The following CCDC192 variants were observed in gnomAD, a reference collection of about 807,000 sequenced individuals.
CCDC192 encodes coiled-coil domain-containing protein 192.
At chr5:127,780,436 C>A (rs538839189) in intron 3 of CCDC192, among the ~76,000 whole-genome samples, 1 of 152,262 alleles carries the variant, frequency 6.6e-6, no homozygotes, top group African/African-American at 2.4e-5. Context: ...TACATTCTCA[C>A]CAGCAGTGTA....
At chr5:127,848,091 T>A (rs902094315) in intron 5 of CCDC192, among the ~76,000 whole-genome samples, 5 of 152,004 alleles carry the variant, frequency 3.3e-5, no homozygotes, top group Admixed American at 1.3e-4. Context: ...TTTTTTTTAA[T>A]CTCTATGTTT....
At chr5:127,821,162 A>G (rs1170749672) in intron 5 of CCDC192, among the ~76,000 whole-genome samples, 1 of 152,182 alleles carries the variant, frequency 6.6e-6, no homozygotes, top group Admixed American at 6.5e-5. Context: ...TGGATGATTT[A>G]TAGTGTTTGC....
chr5:127,720,175 G>A (rs75361482), intron 2 of CCDC192, among the ~76,000 whole-genome samples: 2 of 152,194 alleles, frequency 1.3e-5, no homozygotes, highest in Non-Finnish European at 1.5e-5. Context: ...CTGCCTATGA[G>A]TATGTAAAAT....
At chr5:127,840,520 C>G (rs1750234277) in intron 5 of CCDC192, among the ~76,000 whole-genome samples, 2 of 151,720 alleles carry the variant, frequency 1.3e-5, no homozygotes, top group South Asian at 4.2e-4. Flanking sequence ...ATGTATGTGC[C>G]TATAATGGTA....
intron 6 of CCDC192, among the ~76,000 whole-genome samples, chr5:127,888,423 C>CA (rs1250155646): frequency 3.0e-4 from 43 of 142,576 alleles, no homozygotes; most frequent in African/African-American, 8.3e-4. Context: ...CTCAAACAAA[C>CA]AAAAAAAAAA....
At chr5:127,890,829 C>T (rs559198318) in intron 6 of CCDC192, among the ~76,000 whole-genome samples, 7 of 152,258 alleles carry the variant, frequency 4.6e-5, no homozygotes, top group African/African-American at 9.6e-5. Flanking sequence ...ATCATTTGCC[C>T]GACAAAACAT....
At chr5:127,760,701 CAAAAAAAAAAAAAA>C in intron 3 of CCDC192, among the ~76,000 whole-genome samples, 1 of 54,908 alleles carries the variant, frequency 1.8e-5, no homozygotes, top group East Asian at 4.2e-4. Context: ...GATTCTGTCT[CAAAAAAAAAAAAAA>C]AAAAAAAAAG....
At chr5:127,923,662 C>T (rs1205636731) in intron 6 of CCDC192, among the ~76,000 whole-genome samples, 2 of 152,130 alleles carry the variant, frequency 1.3e-5, no homozygotes. Flanking sequence ...CAGGCGTGAG[C>T]CTCCGCGCCC....
At chr5:127,771,869 A>C (rs1448869903) in intron 3 of CCDC192, among the ~76,000 whole-genome samples, 1 of 149,782 alleles carries the variant, frequency 6.7e-6, no homozygotes, top group East Asian at 1.9e-4. Flanking sequence ...ATTGAAAAGG[A>C]AAAAAAGGGG....
chr5:127,847,032 A>G (rs1332659891), intron 5 of CCDC192, among the ~76,000 whole-genome samples: 4 of 152,124 alleles, frequency 2.6e-5, no homozygotes, highest in Non-Finnish European at 5.9e-5. Context: ...TCATCAAACC[A>G]GTGTTATTTC....
At chr5:127,921,974 T>G (rs1459539248) in intron 6 of CCDC192, among the ~76,000 whole-genome samples, 1 of 152,264 alleles carries the variant, frequency 6.6e-6, no homozygotes, top group Non-Finnish European at 1.5e-5. Flanking sequence ...TATTTCTTCC[T>G]ATTTTGTTTG....
intron 3 of CCDC192, among the ~76,000 whole-genome samples, chr5:127,767,824 T>C (rs1157660624): frequency 6.6e-6 from 1 of 152,200 alleles, no homozygotes; most frequent in Non-Finnish European, 1.5e-5. Context: ...TTAAGGATAA[T>C]TTTCCCCAAA....
chr5:127,825,160 G>A, intron 5 of CCDC192, among the ~76,000 whole-genome samples: 1 of 152,194 alleles, frequency 6.6e-6, no homozygotes, highest in East Asian at 1.9e-4. Flanking sequence ...AAAGGTTTGA[G>A]AATAGCATTT....
At chr5:127,886,267 T>C (rs778610030) in intron 6 of CCDC192, among the ~76,000 whole-genome samples, 5 of 152,184 alleles carry the variant, frequency 3.3e-5, no homozygotes, top group Non-Finnish European at 5.9e-5. Context: ...GCTACTTTTT[T>C]CCCTGGCTTT....
intron 6 of CCDC192, among the ~76,000 whole-genome samples, chr5:127,898,702 G>A (rs549008967): frequency 1.2e-3 from 176 of 152,178 alleles, no homozygotes; most frequent in Non-Finnish European, 2.1e-3. Context: ...CAGGGAGCCC[G>A]TTCCCATCCC....
intron 5 of CCDC192, among the ~76,000 whole-genome samples, chr5:127,835,277 C>T (rs1325269795): frequency 6.6e-6 from 1 of 152,130 alleles, no homozygotes; most frequent in African/African-American, 2.4e-5. Context: ...CATCAGGAAA[C>T]ACTCCATATG....
intron 5 of CCDC192, among the ~76,000 whole-genome samples, chr5:127,862,241 CCTT>C (rs1213041863): frequency 6.6e-6 from 1 of 152,194 alleles, no homozygotes; most frequent in Non-Finnish European, 1.5e-5. Context: ...CTGAAACTGG[CCTT>C]CTACAGAAAA....
intron 2 of CCDC192, among the ~76,000 whole-genome samples, chr5:127,737,420 G>C (rs1580561338): frequency 6.6e-6 from 1 of 152,092 alleles, no homozygotes; most frequent in East Asian, 1.9e-4. Flanking sequence ...ATTTGGGGTG[G>C]AGAGTTCTGT....
intron 3 of CCDC192, among the ~76,000 whole-genome samples, chr5:127,789,703 G>A (rs1756756812): frequency 6.6e-6 from 1 of 152,194 alleles, no homozygotes; most frequent in Non-Finnish European, 1.5e-5. Context: ...AATGAAGAAA[G>A]TTTCTCAGAC....
Sources: allele counts gnomAD v4.1 joint callset (sites outside exome capture counted in the v4.1 genomes callset), GRCh38; gene constraint gnomAD v4.1.1; transcripts MANE v1.5; gene names NCBI Gene and HGNC (gene_info 2026-07-23, HGNC 2026-07-21).